The following THSD7B variants were observed in gnomAD, a reference collection of about 807,000 sequenced individuals.
The protein encoded by THSD7B is thrombospondin type-1 domain-containing protein 7B.
THSD7B carries 138 observed loss-of-function variants against 213.6 expected under a neutral mutation model. The observed-to-expected ratio is 0.65, with a 90% CI of 0.56 to 0.74. THSD7B has a LOEUF of 0.74. Ranked by LOEUF, THSD7B falls within the 30% of genes least tolerant of loss-of-function variation. The probability of loss-of-function intolerance (pLI) is 0.00; values close to 1 mark genes in which losing one functional copy is unlikely to be tolerated. For missense variants in THSD7B, 1,931 were observed against 1,991.5 expected (o/e 0.97, Z 0.58); for synonymous variants, 742 against 687.0 (o/e 1.08, Z -1.25).
chr2:136,786,689 T>C (rs1315613963), intron 1 of THSD7B, among the ~76,000 whole-genome samples: 1 of 152,192 alleles, frequency 6.6e-6, no homozygotes, highest in Non-Finnish European at 1.5e-5. Context: ...ATGCTAAAAA[T>C]AATGGCTGGA....
At position 136,975,844 on chromosome 2, in the gene THSD7B, T is replaced by A. The variant is rs537434005; in HGVS notation, c.140-80576T>A. 4.6e-5 allele frequency among the ~76,000 whole-genome samples: 7 copies of A among 152,360 alleles called. No individual in the cohort carries two copies. The South Asian group carries it at 1.4e-3, about 32-fold the overall frequency. ...CATAAAATGCTTTTTCATTTGTTTG[T>A]GTTCTCTCTGATTTCCTTGAGCAAT... On this transcript the variant is annotated intron_variant, in intron 2 of 27. Coordinates refer to ENST00000409968, the MANE Select transcript of THSD7B (RefSeq NM_001316349.2).
intron 5 of THSD7B, among the ~76,000 whole-genome samples, chr2:137,159,329 C>G (rs540415020): frequency 6.6e-6 from 1 of 152,054 alleles, no homozygotes; most frequent in Admixed American, 6.6e-5. Flanking sequence ...CCCAGCTACT[C>G]AGGAGGCTGA....
At chr2:136,891,915 C>T (rs970768276) in intron 2 of THSD7B, among the ~76,000 whole-genome samples, 5 of 152,128 alleles carry the variant, frequency 3.3e-5, no homozygotes, top group African/African-American at 1.2e-4. Flanking sequence ...TCTCTTGTGC[C>T]ATTGTAATCA....
intron 1 of THSD7B, among the ~76,000 whole-genome samples, chr2:136,771,722 CT>C (rs1161142788): frequency 3.3e-5 from 5 of 152,084 alleles, no homozygotes; most frequent in African/African-American, 1.2e-4. Context: ...TTGATTGAAT[CT>C]ATTTTCTTAT....
intron 3 of THSD7B, among the ~76,000 whole-genome samples, chr2:137,086,352 A>C (rs970092023): frequency 6.6e-6 from 1 of 152,026 alleles, no homozygotes; most frequent in Non-Finnish European, 1.5e-5. Context: ...CCACCAAAAA[A>C]AGTCTAAAAG....
At chr2:137,251,344 A>T (rs577296017) in intron 10 of THSD7B, among the ~76,000 whole-genome samples, 53 of 152,184 alleles carry the variant, frequency 3.5e-4, no homozygotes, top group African/African-American at 1.2e-3. Context: ...TATCATTTTT[A>T]TTTATTTTTT....
chr2:136,859,374 C>T (rs1027377302), intron 1 of THSD7B, among the ~76,000 whole-genome samples: 1 of 152,084 alleles, frequency 6.6e-6, no homozygotes, highest in Non-Finnish European at 1.5e-5. Context: ...TTTTAAAAGC[C>T]ACTTAACTAG....
chr2:137,115,326 T>G (rs771441219), intron 5 of THSD7B, 33 bp downstream of exon 5: 23 of 1,476,884 alleles, frequency 1.6e-5, no homozygotes, highest in Non-Finnish European at 2.0e-5. Context: ...GATGGTGCAC[T>G]GCTGGTTGGA....
In THSD7B at chr2:137,471,499, G is replaced by A. The variant is rs144857666; in HGVS notation, c.3138+20476G>A. Among the ~76,000 whole-genome samples the A allele has an allele frequency of 9.9e-5, 15 of 151,938 alleles. No homozygotes were observed. In the East Asian group the frequency reaches 3.0e-3, roughly 30 times the overall value. Reference sequence around the variant, plus strand: ...AGAGCCCGTCTTCACACTGTGGTTTGCACTTCTGCTTGTTTGTTCCTACTC... The same window carrying A: ...AGAGCCCGTCTTCACACTGTGGTTTACACTTCTGCTTGTTTGTTCCTACTC... On this transcript the variant is annotated intron_variant, in intron 15 of 27. Coordinates refer to ENST00000409968, the MANE Select transcript of THSD7B (RefSeq NM_001316349.2).
chr2:137,393,567 A>T (rs1409695470), intron 12 of THSD7B, among the ~76,000 whole-genome samples: 1 of 148,168 alleles, frequency 6.7e-6, no homozygotes, highest in African/African-American at 2.5e-5. Context: ...TCATTGTTGG[A>T]CATTTGGGTT....
chr2:137,512,382 C>CTT (rs70978233), intron 15 of THSD7B, among the ~76,000 whole-genome samples: 1,168 of 81,342 alleles, frequency 0.014, 256 homozygotes, highest in African/African-American at 0.05. Flanking sequence ...CATTTATTTC[C>CTT]TTTTTTTTTT....
At chr2:136,982,817 A>T (rs1342037205) in intron 2 of THSD7B, among the ~76,000 whole-genome samples, 1 of 152,218 alleles carries the variant, frequency 6.6e-6, no homozygotes, top group Non-Finnish European at 1.5e-5. Context: ...GTGAATTCAG[A>T]AAGGTTAATT....
At chr2:136,945,247 C>T (rs1484043452) in intron 2 of THSD7B, among the ~76,000 whole-genome samples, 1 of 152,158 alleles carries the variant, frequency 6.6e-6, no homozygotes, top group Non-Finnish European at 1.5e-5. Flanking sequence ...TTCTGAGACC[C>T]TTTCTTCCAC....
chr2:137,310,242 C>T (rs1683861935), intron 12 of THSD7B, among the ~76,000 whole-genome samples: 2 of 152,082 alleles, frequency 1.3e-5, no homozygotes, highest in South Asian at 2.1e-4. Flanking sequence ...ATTTTCATTT[C>T]TCTGATGGCC....
At chr2:137,254,637 A>G (rs762450553) in intron 10 of THSD7B, among the ~76,000 whole-genome samples, 1 of 152,190 alleles carries the variant, frequency 6.6e-6, no homozygotes, top group Non-Finnish European at 1.5e-5. Flanking sequence ...TTTAGTTAAC[A>G]TCTCTGAAAC....
intron 2 of THSD7B, among the ~76,000 whole-genome samples, chr2:136,900,365 C>T (rs186476171): frequency 1.3e-3 from 205 of 152,112 alleles, no homozygotes; most frequent in African/African-American, 4.8e-3. Flanking sequence ...GCTCCTTTAC[C>T]CTTGAGATGG....
intron 14 of THSD7B, among the ~76,000 whole-genome samples, chr2:137,436,301 A>G (rs1687289101): frequency 6.6e-6 from 1 of 152,134 alleles, no homozygotes; most frequent in South Asian, 2.1e-4. Flanking sequence ...TTATTAACTA[A>G]TTTATTCTTA....
intron 7 of THSD7B, among the ~76,000 whole-genome samples, chr2:137,225,469 C>A (rs1290440578): frequency 6.6e-6 from 1 of 152,138 alleles, no homozygotes; most frequent in Non-Finnish European, 1.5e-5. Flanking sequence ...AACCAGAAAG[C>A]AACACAACCC....
chr2:136,944,642 CCTT>C lies in THSD7B; in HGVS notation c.139+62329_139+62331del, dbSNP rs1273789113. Among the ~76,000 whole-genome samples the C allele has an allele frequency of 2.6e-5, 4 of 151,686 alleles. No homozygotes were observed. In the East Asian group the frequency reaches 7.8e-4, roughly 29 times the overall value. ...TGATCCCTTTACCATTATGTAATGG[CCTT>C]CTTTGTCTCTTTTGAACTTTGTTGG... is the stretch of plus-strand genomic sequence containing the variant. On this transcript the variant is annotated intron_variant, in intron 2 of 27. Coordinates refer to ENST00000409968, the MANE Select transcript of THSD7B (RefSeq NM_001316349.2).
Sources: allele counts gnomAD v4.1 joint callset (sites outside exome capture counted in the v4.1 genomes callset), GRCh38; gene constraint gnomAD v4.1.1; transcripts MANE v1.5; gene names NCBI Gene and HGNC (gene_info 2026-07-23, HGNC 2026-07-21).